The following NAV1 variants were observed in gnomAD, a reference collection of about 807,000 sequenced individuals.
NAV1 encodes the protein pore membrane and/or filament interacting like protein 3.
Under a neutral mutation model 175.2 loss-of-function variants are expected in NAV1, and 18 were observed. The ratio of observed to expected loss-of-function variants is 0.10; its 90% CI spans 0.07 to 0.15. The LOEUF (loss-of-function observed/expected upper bound fraction) is 0.15. NAV1 is among the 10% of genes least tolerant of loss of function. NAV1 has a pLI of 1.00. For synonymous variants in NAV1, 897 were observed against 978.7 expected (o/e 0.92, Z 1.56); for missense variants, 1,731 against 2,436.6 (o/e 0.71, Z 6.10).
At chr1:201,703,083 C>T (rs1039696422) in intron 1 of NAV1, among the ~76,000 whole-genome samples, 2 of 152,228 alleles carry the variant, frequency 1.3e-5, no homozygotes, top group Non-Finnish European at 2.9e-5. Context: ...CCACTCCCGT[C>T]CCCATTTGCC....
chr1:201,667,966 A>AGTCCC (rs1433339212), intron 1 of NAV1, among the ~76,000 whole-genome samples: 2 of 152,212 alleles, frequency 1.3e-5, no homozygotes, highest in Non-Finnish European at 2.9e-5. Context: ...CACTGGCCAG[A>AGTCCC]GTCCCATCAC....
At chr1:201,729,968 C>T (rs554746862) in intron 3 of NAV1, among the ~76,000 whole-genome samples, 2 of 152,252 alleles carry the variant, frequency 1.3e-5, no homozygotes, top group African/African-American at 4.8e-5. Flanking sequence ...ATGTTACCTC[C>T]ATCCCTTCTC....
chr1:201,746,911 G>C (rs530333431), intron 3 of NAV1, among the ~76,000 whole-genome samples: 1 of 152,188 alleles, frequency 6.6e-6, no homozygotes, highest in African/African-American at 2.4e-5. Flanking sequence ...GGCTGAGATG[G>C]GAGGGTCGCT....
chr1:201,570,589 G>GA (rs1284794005), intron 1 of NAV1, among the ~76,000 whole-genome samples: 2 of 152,012 alleles, frequency 1.3e-5, no homozygotes, highest in African/African-American at 2.4e-5. Context: ...CCACCAGTGA[G>GA]AAAAAAAAGC....
At chr1:201,591,021 C>T (rs972506286) in intron 2 of NAV1, among the ~76,000 whole-genome samples, 1 of 152,124 alleles carries the variant, frequency 6.6e-6, no homozygotes, top group Non-Finnish European at 1.5e-5. Flanking sequence ...TTCTTCATGG[C>T]CCCTCTCTCC....
At chr1:201,576,350 T>C (rs1666689302) in intron 1 of NAV1, among the ~76,000 whole-genome samples, 1 of 152,244 alleles carries the variant, frequency 6.6e-6, no homozygotes. Context: ...CAGTTGTTTC[T>C]GTTGCTGAGT....
upstream of NAV1, among the ~76,000 whole-genome samples, chr1:201,621,788 C>T (rs565336914): frequency 3.3e-5 from 5 of 152,316 alleles, no homozygotes; most frequent in African/African-American, 1.2e-4. Context: ...TCTCCCACAA[C>T]AAAATTATGG....
At chr1:201,671,045 G>C (rs1159387862) in intron 1 of NAV1, among the ~76,000 whole-genome samples, 1 of 152,176 alleles carries the variant, frequency 6.6e-6, no homozygotes, top group Non-Finnish European at 1.5e-5. Flanking sequence ...TATGGCAGTT[G>C]TGATGCTGGT....
intron 15 of NAV1, among the ~76,000 whole-genome samples, chr1:201,800,240 A>G (rs1309999880): frequency 1.3e-5 from 2 of 152,206 alleles, no homozygotes; most frequent in African/African-American, 4.8e-5. Flanking sequence ...GACTCAAGCA[A>G]TCCACCCACC....
chr1:201,650,039 T>A (rs1214134214), intron 1 of NAV1, among the ~76,000 whole-genome samples: 9 of 152,204 alleles, frequency 5.9e-5, no homozygotes, highest in Non-Finnish European at 1.2e-4. Flanking sequence ...GCATGTCCGA[T>A]ACCTCAGCCC....
At chr1:201,785,427 C>A in intron 8 of NAV1, 76 bp downstream of exon 12, 1 of 1,452,832 alleles carries the variant, frequency 6.9e-7, no homozygotes, top group Non-Finnish European at 9.5e-7. Context: ...CTCAACCTGT[C>A]CAAGGCTCCA....
intron 3 of NAV1, among the ~76,000 whole-genome samples, chr1:201,764,453 T>C (rs1675064463): frequency 6.6e-6 from 1 of 152,198 alleles, no homozygotes; most frequent in Non-Finnish European, 1.5e-5. Context: ...AAGAGAGCTC[T>C]CTGGTGTCTC....
chr1:201,613,113 C>G (rs1667903741), intron 2 of NAV1, among the ~76,000 whole-genome samples: 1 of 152,164 alleles, frequency 6.6e-6, no homozygotes, highest in South Asian at 2.1e-4. Context: ...GCAGGTCATT[C>G]TGTCCATTTC....
intron 1 of NAV1, 63 bp from the exon 4 acceptor site, chr1:201,629,341 A>G (rs1668422464): frequency 8.7e-7 from 1 of 1,151,014 alleles, no homozygotes; most frequent in South Asian, 1.3e-5. Context: ...TCTTAGCCCC[A>G]TGGAGGGGCT....
intron 17 of NAV1, 81 bp downstream of exon 21, chr1:201,804,578 CTAA>C: frequency 4.5e-5 from 37 of 814,000 alleles, no homozygotes; most frequent in Admixed American, 1.0e-4. Context: ...CTCCCTTCCC[CTAA>C]AAAAAAAAAA....
At chr1:201,815,539 A>G (rs963537145) in intron 28 of NAV1, among the ~76,000 whole-genome samples, 5 of 152,112 alleles carry the variant, frequency 3.3e-5, no homozygotes, top group African/African-American at 1.2e-4. Flanking sequence ...TCAAACTCAG[A>G]GCAGCAGAAA....
chr1:201,741,539 C>T (rs1673424054), intron 3 of NAV1, among the ~76,000 whole-genome samples: 1 of 152,170 alleles, frequency 6.6e-6, no homozygotes, highest in African/African-American at 2.4e-5. Context: ...TCCTCTCCTC[C>T]CTCCACCTCT....
At chr1:201,627,058 C>T (rs1022462) in intron 1 of NAV1, among the ~76,000 whole-genome samples, 55,127 of 152,144 alleles carry the variant, frequency 0.36, 12,805 homozygotes, top group African/African-American at 0.65. Context: ...ATGGCAGCAA[C>T]AATCGTGACT....
At chr1:201,765,381 C>CTT (rs59583786) in intron 3 of NAV1, among the ~76,000 whole-genome samples, 6,347 of 98,598 alleles carry the variant, frequency 0.064, 552 homozygotes, top group African/African-American at 0.14. Flanking sequence ...AGGAAATATT[C>CTT]TTTTTTTTTT....
Sources: gnomAD v4.1 joint callset for allele counts (sites outside exome capture counted in the v4.1 genomes callset) on GRCh38, gnomAD v4.1.1 for gene constraint, MANE v1.5 for transcripts, NCBI Gene and HGNC (gene_info 2026-07-23, HGNC 2026-07-21) for gene names.